ZNF652: variants seen among roughly 807,000 people sequenced by gnomAD.
The protein encoded by ZNF652 is zinc finger protein 652.
A neutral mutation model predicts 45.2 loss-of-function variants in ZNF652; 16 were observed. The observed-to-expected ratio is 0.35, with a 90% CI of 0.24 to 0.54. The LOEUF is 0.54. Ranked by LOEUF, ZNF652 falls within the 20% of genes least tolerant of loss-of-function variation. ZNF652 has a pLI of 0.91. For missense variants in ZNF652, 614 were observed against 765.6 expected, an observed-to-expected ratio of 0.80 and a Z score of 2.34; for synonymous variants, 250 against 260.6, an observed-to-expected ratio of 0.96 and a Z score of 0.39.
chr17:49,354,750 G>A (rs2070318201), intron 1 of ZNF652, among the ~76,000 whole-genome samples: 3 of 151,050 alleles, frequency 2.0e-5, no homozygotes, highest in Admixed American at 2.0e-4. Flanking sequence ...TTTTTGAGAT[G>A]GAGTCTCAAC....
intron 1 of ZNF652, among the ~76,000 whole-genome samples, chr17:49,331,401 G>A (rs940637717): frequency 7.9e-5 from 12 of 152,072 alleles, no homozygotes; most frequent in South Asian, 4.1e-4. Flanking sequence ...GATTACAGGC[G>A]TGAGCCACCA....
At chr17:49,325,950 G>A (rs971457740) in intron 1 of ZNF652, among the ~76,000 whole-genome samples, 2 of 152,056 alleles carry the variant, frequency 1.3e-5, no homozygotes, top group Non-Finnish European at 2.9e-5. Context: ...CAGATTTAGA[G>A]TGGTTTGCCT....
Position 49,317,845 on chromosome 17 carries a change from T to C in ZNF652, c.-120A>G. ...AAGAATCACTCAAATGAAAAAAAGA[T>C]ATTCCTGGAAACTGTGTGCAATTCT... On this transcript the variant is annotated 5_prime_UTR_variant, in exon 2 of 6. It adds an upstream start codon to the 5' untranslated region. Transcript: ENST00000430262. 1 of 1,133,984 alleles carries C rather than the reference T, an allele frequency of 8.8e-7. No individual in the cohort carries two copies. Among genetic ancestry groups the C allele is most frequent in the Non-Finnish European group, 1.2e-6 (1 of 833,558 alleles). 70.2% of individuals were successfully genotyped at this position (1,133,984 alleles called of 1,614,324 possible).
chr17:49,328,499 T>A (rs2069990615), intron 1 of ZNF652, among the ~76,000 whole-genome samples: 1 of 152,040 alleles, frequency 6.6e-6, no homozygotes, highest in East Asian at 1.9e-4. Flanking sequence ...GGTGTTTGGG[T>A]CATGGGGGCA....
rs182103550 is a variant in ZNF652, at chr17:49,355,444, G to A, written c.-259+6465C>T. On this transcript the variant is annotated intron_variant, in intron 1 of 5. Coordinates refer to ENST00000430262, the MANE Select transcript of ZNF652 (RefSeq NM_001145365.3). ...ATACAAAAAGAAGCCAGGCATGGTG[G>A]TGCGCACCTGCAGTCCCAGCTACTC... Among the ~76,000 whole-genome samples, 9 of 152,056 alleles carry A rather than the reference G, an allele frequency of 5.9e-5. No homozygotes were observed. In the South Asian group the frequency reaches 1.3e-3, roughly 21 times the overall value.
intron 1 of ZNF652, among the ~76,000 whole-genome samples, chr17:49,339,197 A>AAT (rs2070116162): frequency 8.4e-6 from 1 of 119,538 alleles, no homozygotes; most frequent in Non-Finnish European, 1.7e-5. Flanking sequence ...GAGTTAGGAA[A>AAT]TTTTTTTTTT....
intron 1 of ZNF652, among the ~76,000 whole-genome samples, chr17:49,324,226 C>T (rs1354913605): frequency 1.3e-5 from 2 of 152,192 alleles, no homozygotes; most frequent in Non-Finnish European, 2.9e-5. Flanking sequence ...TCTCTGCTGG[C>T]TTCCAACTTT....
rs545969031 is a variant in ZNF652, at chr17:49,333,097, G to A, written c.-258-15114C>T. ...TTTTGAGACAGAGTCTCGCTCTGTC[G>A]CCCAGGCTGGAGTGCAGTGGCGCGA... On this transcript the variant is annotated intron_variant, in intron 1 of 5. Coordinates refer to ENST00000430262, the MANE Select transcript of ZNF652 (RefSeq NM_001145365.3). Among the ~76,000 whole-genome samples the A allele has an allele frequency of 6.5e-3, 986 of 151,050 alleles. 7 individuals carry two copies. Among genetic ancestry groups the A allele is most frequent in the South Asian group, 0.027 (131 of 4,770 alleles).
intron 1 of ZNF652, among the ~76,000 whole-genome samples, chr17:49,350,974 T>TACATAC (rs1186420137): frequency 1.6e-4 from 4 of 24,746 alleles, no homozygotes; most frequent in Admixed American, 4.9e-4. Context: ...TGTCTACATA[T>TACATAC]ATATATATAT....
intron 1 of ZNF652, among the ~76,000 whole-genome samples, chr17:49,331,161 A>G (rs1443812357): frequency 7.3e-6 from 1 of 136,442 alleles, no homozygotes; most frequent in Non-Finnish European, 1.5e-5. Context: ...TCGCTCTGTC[A>G]CCCAGGCTGG....
rs557038121 is a variant in ZNF652 at position 49,309,734 on chromosome 17, G to A, written c.1309+1578C>T. Among the ~76,000 whole-genome samples, 119 of 152,134 alleles carry A rather than the reference G, an allele frequency of 7.8e-4. 2 individuals are homozygous for A. In the South Asian group the frequency reaches 0.013, roughly 17 times the overall value. ...TTCAAAGTTATCATTTTCTTTTCAG[G>A]TCTAATTTAACTAATAAAACTGCTC... On this transcript the variant is annotated intron_variant, in intron 5 of 5. Coordinates refer to ENST00000430262, the MANE Select transcript of ZNF652 (RefSeq NM_001145365.3).
intron 1 of ZNF652, among the ~76,000 whole-genome samples, chr17:49,340,464 G>C (rs754682715): frequency 2.7e-5 from 4 of 147,136 alleles, no homozygotes; most frequent in Non-Finnish European, 4.4e-5. Flanking sequence ...GCTGAGACAG[G>C]AGAATCTCTT....
In ZNF652 at chr17:49,293,132, A is replaced by C. The variant is rs2069425171; in HGVS notation, c.*5281T>G. Among the ~76,000 whole-genome samples the C allele has an allele frequency of 6.6e-6, 1 of 152,228 alleles. No homozygotes were observed. The highest frequency in any genetic ancestry group is 2.1e-4 in the South Asian group (1 of 4,828). ...GTGACCATACATATATTATTGAGTA[A>C]TACATAGAGTAACAAAGCAGAAAGA... On this transcript the variant is annotated 3_prime_UTR_variant, in exon 6 of 6. Coordinates refer to ENST00000430262, the MANE Select transcript of ZNF652 (RefSeq NM_001145365.3).
chr17:49,317,112 G>A lies in ZNF652; in HGVS notation c.614C>T (p.Pro205Leu), dbSNP rs1400308574. ...AASVAAATTS[P>L]TPRTTRGRRK... Reference sequence around the variant, plus strand: ...ACGACCTCTTGTAGTTCTGGGAGTAGGGGAAGTGGTAGCTGCGGCAACAGA... The same window carrying A: ...ACGACCTCTTGTAGTTCTGGGAGTAAGGGAAGTGGTAGCTGCGGCAACAGA... Residue 205 changes from proline (P) to leucine (L), a missense_variant, in exon 2 of 6, where the codon CCT (proline) becomes CTT (leucine). Pro to Leu is a moderately conservative substitution (Grantham distance 98). This residue lies in a region of ZNF652 where 262 missense variants were observed against 306.3 expected (regional missense o/e 0.86). Coordinates refer to ENST00000430262, the MANE Select transcript of ZNF652 (RefSeq NM_001145365.3). 1 of 1,614,086 alleles carries A rather than the reference G, an allele frequency of 6.2e-7. No individual in the cohort carries two copies. The highest frequency in any genetic ancestry group is 1.1e-5 in the South Asian group (1 of 91,080).
At chr17:49,348,976 A>G (rs1352035672) in intron 1 of ZNF652, among the ~76,000 whole-genome samples, 6 of 152,226 alleles carry the variant, frequency 3.9e-5, no homozygotes, top group Non-Finnish European at 7.3e-5. Context: ...AGAAAACAAA[A>G]CAAAAAAAGA....
intron 1 of ZNF652, among the ~76,000 whole-genome samples, chr17:49,326,241 T>TAAAAA (rs56916451): frequency 1.2e-4 from 11 of 93,966 alleles, no homozygotes; most frequent in Admixed American, 3.7e-4. Context: ...ACCCCATCTC[T>TAAAAA]AAAAAAAAAA....
intron 1 of ZNF652, 120 bp downstream of exon 1, chr17:49,361,789 G>A (rs868822818): frequency 6.6e-6 from 1 of 151,918 alleles, no homozygotes; most frequent in Non-Finnish European, 1.5e-5. Context: ...CAGCTGCCTC[G>A]GCGAAGGGTT....
chr17:49,336,486 C>T (rs1212334265), intron 1 of ZNF652, among the ~76,000 whole-genome samples: 22 of 151,436 alleles, frequency 1.5e-4, no homozygotes, highest in African/African-American at 4.1e-4. Context: ...TGCACCACCA[C>T]GCCCAGCTAA....
intron 2 of ZNF652, among the ~76,000 whole-genome samples, chr17:49,313,909 T>C (rs560603338): frequency 1.0e-4 from 12 of 120,508 alleles, no homozygotes; most frequent in East Asian, 2.8e-4. Context: ...GAGGTGGAGG[T>C]TGCAGTGAGC....
Sources: gnomAD v4.1 joint callset for allele counts (sites outside exome capture counted in the v4.1 genomes callset) on GRCh38, gnomAD v4.1.1 for gene constraint, gnomAD v4.1.1 regional missense constraint, MANE v1.5 for transcripts, NCBI Gene and HGNC (gene_info 2026-07-23, HGNC 2026-07-21) for gene names.